The following RGS21 variants were observed in gnomAD, a reference collection of about 807,000 sequenced individuals.
RGS21 encodes the protein regulator of G protein signaling 21.
A neutral mutation model predicts 18.7 loss-of-function variants in RGS21; 19 were observed. The ratio of observed to expected loss-of-function variants is 1.01; its 90% CI spans 0.71 to 1.49. RGS21 has a LOEUF of 1.49. RGS21 is among the 40% of genes most tolerant of loss of function. RGS21 has a pLI of 0.00. For synonymous variants in RGS21, 56 were observed against 57.8 expected, an observed-to-expected ratio of 0.97 and a Z score of 0.14; for missense variants, 194 against 176.8, an observed-to-expected ratio of 1.10 and a Z score of -0.55.
intron 1 of RGS21, among the ~76,000 whole-genome samples, chr1:192,322,654 C>T (rs1658513414): frequency 6.6e-6 from 1 of 152,044 alleles, no homozygotes; most frequent in African/African-American, 2.4e-5. Flanking sequence ...CACTTCCAGC[C>T]AGGATCCCAC....
At chr1:192,328,116 G>GC (rs1658594875) in intron 1 of RGS21, among the ~76,000 whole-genome samples, 1 of 152,048 alleles carries the variant, frequency 6.6e-6, no homozygotes, top group African/African-American at 2.4e-5. Context: ...AAAAAAGAAG[G>GC]CATACAGGGC....
intron 4 of RGS21, among the ~76,000 whole-genome samples, chr1:192,353,930 A>G (rs1659078558): frequency 6.6e-6 from 1 of 151,550 alleles, no homozygotes; most frequent in South Asian, 2.1e-4. Context: ...TACCAAATTA[A>G]CTGAAAATAC....
At chr1:192,323,844 C>T (rs905562702) in intron 1 of RGS21, among the ~76,000 whole-genome samples, 2 of 151,980 alleles carry the variant, frequency 1.3e-5, no homozygotes, top group African/African-American at 4.8e-5. Context: ...AACTAAAGTT[C>T]CAAATCATAT....
chr1:192,347,372 C>A lies in RGS21; in HGVS notation c.71C>A (p.Thr24Lys), dbSNP rs775962074. ...ATGACATGGTCTGAAAATATGGACACGCTTTTAGCCAACCAAGGTAAGATT... is the reference window on the plus strand; with the variant it reads ...ATGACATGGTCTGAAAATATGGACAAGCTTTTAGCCAACCAAGGTAAGATT... ...ETMTWSENMD[T>K]LLANQAGLDA... The change falls in exon 3 of 5, where the codon ACG (threonine) becomes AAG (lysine). Residue 24 changes from threonine to lysine, a missense_variant. Thr to Lys is a moderately conservative substitution (Grantham distance 78, BLOSUM62 -1). Transcript: ENST00000417209. 2.5e-6 allele frequency: 4 copies of A among 1,592,630 alleles called. No homozygotes were observed. Among genetic ancestry groups the A allele is most frequent in the East Asian group, 2.2e-5 (1 of 44,624 alleles).
At chr1:192,329,218 G>A (rs989098207) in intron 1 of RGS21, among the ~76,000 whole-genome samples, 2 of 151,994 alleles carry the variant, frequency 1.3e-5, no homozygotes, top group African/African-American at 4.8e-5. Flanking sequence ...CAGTGATATT[G>A]AGTATCTAAC....
chr1:192,329,223 T>C (rs746965917), intron 1 of RGS21, among the ~76,000 whole-genome samples: 5 of 152,106 alleles, frequency 3.3e-5, no homozygotes, highest in Non-Finnish European at 5.9e-5. Context: ...ATATTGAGTA[T>C]CTAACATATA....
chr1:192,351,564 C>T (rs1659040001), intron 3 of RGS21, among the ~76,000 whole-genome samples: 1 of 151,288 alleles, frequency 6.6e-6, no homozygotes, highest in Admixed American at 6.6e-5. Context: ...ATCAAGATCT[C>T]CTAAACATAA....
intron 2 of RGS21, 133 bp downstream of exon 2, chr1:192,343,180 T>C: frequency 1.1e-6 from 1 of 904,334 alleles, no homozygotes; most frequent in South Asian, 1.4e-5. Flanking sequence ...TGATTTTTTC[T>C]CCTTTCTCTA....
chr1:192,350,279 T>C (rs1466360585), intron 3 of RGS21, among the ~76,000 whole-genome samples: 2 of 152,214 alleles, frequency 1.3e-5, no homozygotes, highest in Non-Finnish European at 2.9e-5. Context: ...GTTAAATCTA[T>C]TTTAATCCAG....
At chr1:192,364,464 A>C (rs1164975746) in intron 4 of RGS21, among the ~76,000 whole-genome samples, 1 of 152,120 alleles carries the variant, frequency 6.6e-6, no homozygotes, top group South Asian at 2.1e-4. Context: ...TTTAATCCTG[A>C]AAACATTTTA....
At chr1:192,324,168 T>G (rs1010042551) in intron 1 of RGS21, among the ~76,000 whole-genome samples, 7 of 113,036 alleles carry the variant, frequency 6.2e-5, no homozygotes, top group African/African-American at 3.0e-4. Flanking sequence ...ATAAAGAGTT[T>G]TCTTTAAATA....
At chr1:192,328,106 A>G (rs1266725032) in intron 1 of RGS21, among the ~76,000 whole-genome samples, 1 of 152,168 alleles carries the variant, frequency 6.6e-6, no homozygotes, top group African/African-American at 2.4e-5. Context: ...TCTCAACTTT[A>G]AAAAAGAAGG....
At chr1:192,330,589 T>G (rs907401569) in intron 1 of RGS21, among the ~76,000 whole-genome samples, 1 of 152,194 alleles carries the variant, frequency 6.6e-6, no homozygotes, top group Non-Finnish European at 1.5e-5. Flanking sequence ...CTTATGTTTT[T>G]CAGTAAGACT....
rs983553912 is a variant in RGS21, at chr1:192,321,201, G to T, written c.-61+4096G>T. Among the ~76,000 whole-genome samples the T allele has an allele frequency of 2.0e-5, 3 of 151,474 alleles. No homozygotes were observed. The South Asian group carries it at 6.3e-4, about 32-fold the overall frequency. On this transcript the variant is annotated intron_variant, in intron 1 of 4. Transcript: ENST00000417209. ...TTCTGTTAGATTTAGATTTCTATTC[G>T]ACCCCATTTTTTCTAGTAAGCACTT...
chr1:192,330,492 C>A (rs1299154788), intron 1 of RGS21, among the ~76,000 whole-genome samples: 2 of 152,128 alleles, frequency 1.3e-5, no homozygotes, highest in Non-Finnish European at 2.9e-5. Flanking sequence ...TTTTGGCAGA[C>A]ATTGAAAGTC....
At chr1:192,346,379 C>A (rs963893974) in intron 2 of RGS21, among the ~76,000 whole-genome samples, 1 of 151,966 alleles carries the variant, frequency 6.6e-6, no homozygotes, top group African/African-American at 2.4e-5. Flanking sequence ...ATAAGAATTG[C>A]GATATATGAG....
intron 4 of RGS21, among the ~76,000 whole-genome samples, chr1:192,358,720 A>G (rs1659143175): frequency 6.6e-6 from 1 of 152,116 alleles, no homozygotes; most frequent in Non-Finnish European, 1.5e-5. Context: ...ATGTAAAAAT[A>G]CATAAAGCAC....
chr1:192,337,996 G>A (rs759589730), intron 1 of RGS21, among the ~76,000 whole-genome samples: 2 of 152,038 alleles, frequency 1.3e-5, no homozygotes, highest in Non-Finnish European at 2.9e-5. Context: ...CATGTTCTAA[G>A]AAAACACAAA....
At chr1:192,332,568 T>C (rs1346125235) in intron 1 of RGS21, among the ~76,000 whole-genome samples, 2 of 152,154 alleles carry the variant, frequency 1.3e-5, no homozygotes, top group African/African-American at 4.8e-5. Flanking sequence ...AGACATGACA[T>C]CAAGAGCACA....
Sources: allele counts gnomAD v4.1 joint callset (sites outside exome capture counted in the v4.1 genomes callset), GRCh38; gene constraint gnomAD v4.1.1; transcripts MANE v1.5; gene names NCBI Gene and HGNC (gene_info 2026-07-23, HGNC 2026-07-21).